Variants in PCDHGA7 observed in about 807,000 individuals in gnomAD.
The protein encoded by PCDHGA7 is protocadherin gamma-A7.
Under a neutral mutation model 58.3 loss-of-function variants are expected in PCDHGA7, and 44 were observed. The observed-to-expected ratio is 0.75, with a 90% confidence interval of 0.59 to 0.97. The LOEUF (loss-of-function observed/expected upper bound fraction) is 0.97, where lower values mean the gene tolerates loss of function less well. PCDHGA7 is among the 50% of genes least tolerant of loss of function. The pLI, the probability that PCDHGA7 is intolerant of heterozygous loss-of-function variation, is 0.00. For missense variants in PCDHGA7, 1,266 were observed against 1,188.7 expected (o/e 1.06, Z -0.96); for synonymous variants, 516 against 504.2 (o/e 1.02, Z -0.31).
intron 2 of PCDHGA7, among the ~76,000 whole-genome samples, chr5:141,497,603 G>A (rs1045138662): frequency 3.3e-5 from 5 of 149,832 alleles, no homozygotes; most frequent in Non-Finnish European, 7.4e-5. Context: ...GCAGTGGTGC[G>A]ATCTTGGCTC....
chr5:141,492,257 A>G (rs955890030), intron 1 of PCDHGA7, among the ~76,000 whole-genome samples: 1 of 152,126 alleles, frequency 6.6e-6, no homozygotes, highest in Non-Finnish European at 1.5e-5. Flanking sequence ...GGCCCACACA[A>G]GTTGCACGGG....
intron 1 of PCDHGA7, among the ~76,000 whole-genome samples, chr5:141,482,385 A>T (rs1238551737): frequency 6.6e-6 from 1 of 152,210 alleles, no homozygotes; most frequent in Non-Finnish European, 1.5e-5. Context: ...AAGTCCCTGT[A>T]TGGAGCAAGT....
chr5:141,423,323 C>A (rs200492485), intron 1 of PCDHGA7: 91 of 1,614,146 alleles, frequency 5.6e-5, no homozygotes, highest in Non-Finnish European at 4.2e-6. Flanking sequence ...GTGGCGGTGG[C>A]CGCAGTCTCC....
intron 1 of PCDHGA7, chr5:141,413,353 C>A (rs2095629361): frequency 6.2e-7 from 1 of 1,613,962 alleles, no homozygotes; most frequent in East Asian, 2.2e-5. Context: ...GGGTCTGGCG[C>A]CCCGGGAGCT....
rs531773756 is a variant in PCDHGA7 at position 141,417,037 on chromosome 5, TTA to T, written c.2424+31715_2424+31716del. On this transcript the variant is annotated intron_variant, in intron 1 of 3. Coordinates refer to ENST00000518325, the MANE Select transcript of PCDHGA7 (RefSeq NM_018920.4). ...ATTTTGAAAAATACAGGTTTTTTTT[TTA>T]AAAAAAACTGCTCTTGACATTGTAG... 5.9e-5 allele frequency: 9 copies of T among 151,574 alleles called. 1 individual carries two copies. Among genetic ancestry groups the T allele is most frequent in the Admixed American group, 2.0e-4 (3 of 15,204 alleles). The allele number at this position is 151,574 out of a possible 1,614,324, so 9.4% of individuals were successfully genotyped here.
intron 1 of PCDHGA7, among the ~76,000 whole-genome samples, chr5:141,480,274 G>A (rs111260319): frequency 6.6e-6 from 1 of 152,036 alleles, no homozygotes; most frequent in Non-Finnish European, 1.5e-5. Context: ...CATTAGCTGG[G>A]TGTGTTGGCA....
intron 1 of PCDHGA7, chr5:141,423,436 C>A (rs2096740667): frequency 6.2e-7 from 1 of 1,613,782 alleles, no homozygotes; most frequent in Non-Finnish European, 8.5e-7. Context: ...GGCAGGTATG[C>A]CCACGTCACA....
chr5:141,415,128 G>C (rs376477668), intron 1 of PCDHGA7: 33 of 1,613,528 alleles, frequency 2.0e-5, no homozygotes, highest in Admixed American at 5.0e-5. Context: ...TGGCCGTCCA[G>C]GACCACGGCC....
rs112156044 is a variant in PCDHGA7, at chr5:141,476,771, G to C, written c.2425-18036G>C. ...CCAGTTAGTGCTGACGGCGTTGGAC[G>C]GAGGGACCCCAGCTCTCTCCGCCAG... On this transcript the variant is annotated intron_variant, in intron 1 of 3. Coordinates refer to ENST00000518325, the MANE Select transcript of PCDHGA7 (RefSeq NM_018920.4). The surrounding 1 kb of genome is among the most constrained non-coding windows in gnomAD (Gnocchi z 7.6). 1.1e-5 allele frequency: 18 copies of C among 1,613,700 alleles called. 1 individual carries two copies. In the South Asian group the frequency reaches 1.3e-4, roughly 12 times the overall value.
rs2098293800 is a variant in PCDHGA7 at position 141,442,043 on chromosome 5, A to G, written c.2425-52764A>G. The G allele has an allele frequency of 1.9e-5, 4 of 205,506 alleles. No homozygotes were observed. In the South Asian group the frequency reaches 2.4e-4, roughly 12 times the overall value. The allele number at this position is 205,506 out of a possible 1,614,324, so 12.7% of individuals were successfully genotyped here. A position where few individuals can be genotyped will look rare whatever the true frequency, so the allele number is the denominator to read the frequency against. On this transcript the variant is annotated intron_variant, in intron 1 of 3. Transcript: ENST00000518325. ...ACAGGAAAGCGACTCGCCAGCGCCTACTGGTCGCGGTGCACTGCGGTGGAC... is the reference window on the plus strand; with the variant it reads ...ACAGGAAAGCGACTCGCCAGCGCCTGCTGGTCGCGGTGCACTGCGGTGGAC...
At chr5:141,421,407 G>T in intron 1 of PCDHGA7, 1 of 1,614,076 alleles carries the variant, frequency 6.2e-7, no homozygotes. Flanking sequence ...CCCGGGAGCT[G>T]GCGAAGCGCG....
At chr5:141,443,317 C>CA (rs35054295) in intron 1 of PCDHGA7, among the ~76,000 whole-genome samples, 76,100 of 141,790 alleles carry the variant, frequency 0.54, 21,234 homozygotes, top group African/African-American at 0.75. Flanking sequence ...CCCATCTCTA[C>CA]AAAAAAAAAA....
chr5:141,414,161 G>A (rs960511656), intron 1 of PCDHGA7: 1 of 1,603,276 alleles, frequency 6.2e-7, no homozygotes, highest in Non-Finnish European at 8.5e-7. Flanking sequence ...GAAGATGGAG[G>A]AGCATATCTT....
intron 1 of PCDHGA7, chr5:141,404,061 A>G (rs375910829): frequency 9.9e-6 from 16 of 1,613,906 alleles, no homozygotes; most frequent in African/African-American, 4.0e-5. Flanking sequence ...CTTCTTTTCA[A>G]TGCTCATGAC....
chr5:141,413,660 T>C (rs747874019), intron 1 of PCDHGA7: 5 of 1,613,752 alleles, frequency 3.1e-6, no homozygotes, highest in Non-Finnish European at 4.2e-6. Flanking sequence ...CCGGAAGCTA[T>C]TGATCCGGAT....
Position 141,486,572 on chromosome 5 carries a change from A to G in PCDHGA7, c.2425-8235A>G. 1 of 1,613,876 alleles carries G rather than the reference A, an allele frequency of 6.2e-7. No individual in the cohort carries two copies. Among genetic ancestry groups the G allele is most frequent in the Non-Finnish European group, 8.5e-7 (1 of 1,180,002 alleles). ...GTCACATGAGGTGTTTGTTCCTGAG[A>G]ACAATCGCCCAGGGGACCTGCTTTG... is the stretch of plus-strand genomic sequence containing the variant. On this transcript the variant is annotated intron_variant, in intron 1 of 3. Coordinates refer to ENST00000518325, the MANE Select transcript of PCDHGA7 (RefSeq NM_018920.4). This position sits in a 1 kb window ranked among gnomAD's most constrained non-coding sequence, Gnocchi z 5.0.
chr5:141,417,805 G>T, intron 1 of PCDHGA7: 1 of 1,499,292 alleles, frequency 6.7e-7, no homozygotes. Flanking sequence ...TAGCGCGGTA[G>T]AGTGCACTTT....
At chr5:141,483,207 A>G (rs1225621725) in intron 1 of PCDHGA7, among the ~76,000 whole-genome samples, 1 of 152,224 alleles carries the variant, frequency 6.6e-6, no homozygotes, top group African/African-American at 2.4e-5. Context: ...TATTCCATAT[A>G]GATGACAGTC....
chr5:141,464,144 A>G (rs1305530394), intron 1 of PCDHGA7, among the ~76,000 whole-genome samples: 1 of 152,030 alleles, frequency 6.6e-6, no homozygotes, highest in South Asian at 2.1e-4. Context: ...GGGCGCCTGT[A>G]GTCCCAGCTA....
Sources: allele counts gnomAD v4.1 joint callset (sites outside exome capture counted in the v4.1 genomes callset), GRCh38; gene constraint gnomAD v4.1.1; non-coding constraint Gnocchi (gnomAD v3.1); transcripts MANE v1.5; gene names NCBI Gene and HGNC (gene_info 2026-07-23, HGNC 2026-07-21).